Variants in ACMSD observed in about 807,000 individuals in gnomAD.
ACMSD encodes aminocarboxymuconate semialdehyde decarboxylase.
ACMSD carries 37 observed loss-of-function variants against 45.9 expected under a neutral mutation model. The ratio of observed to expected loss-of-function variants is 0.81; its 90% CI spans 0.62 to 1.06. ACMSD has a LOEUF of 1.06. Ranked by LOEUF, ACMSD falls within the 50% of genes least tolerant of loss-of-function variation. The probability of loss-of-function intolerance (pLI) is 0.00; values close to 1 mark genes in which losing one functional copy is unlikely to be tolerated. For missense variants in ACMSD, 434 were observed against 420.9 expected, an observed-to-expected ratio of 1.03 and a Z score of -0.27; for synonymous variants, 138 against 148.8, an observed-to-expected ratio of 0.93 and a Z score of 0.53.
At chr2:134,870,923 G>T in intron 6 of ACMSD, 42 bp from the exon 7 acceptor site, 2 of 1,535,910 alleles carry the variant, frequency 1.3e-6, no homozygotes, top group Non-Finnish European at 1.8e-6. Context: ...TCTTCTTGGT[G>T]GGGTGATCAT....
intron 1 of ACMSD, among the ~76,000 whole-genome samples, chr2:134,841,106 T>A (rs997040493): frequency 1.2e-4 from 19 of 152,216 alleles, no homozygotes; most frequent in African/African-American, 4.3e-4. Context: ...ACCATCTACA[T>A]CATTTCCATC....
chr2:134,861,096 G>C (rs1303642557), intron 3 of ACMSD, among the ~76,000 whole-genome samples: 1 of 152,094 alleles, frequency 6.6e-6, no homozygotes, highest in African/African-American at 2.4e-5. Flanking sequence ...AAAACCTGCA[G>C]CACCTCTGTA....
At chr2:134,856,183 A>G (rs1420387956) in intron 2 of ACMSD, among the ~76,000 whole-genome samples, 9 of 152,240 alleles carry the variant, frequency 5.9e-5, no homozygotes. Flanking sequence ...TTAATTTTTT[A>G]AGGTAAGTCA....
intron 1 of ACMSD, among the ~76,000 whole-genome samples, chr2:134,839,500 T>C (rs1686685630): frequency 6.6e-6 from 1 of 152,246 alleles, no homozygotes. Flanking sequence ...TATCAGGTTT[T>C]ACCCAATCTT....
chr2:134,879,948 A>G (rs1265626627), intron 8 of ACMSD, among the ~76,000 whole-genome samples: 1 of 152,148 alleles, frequency 6.6e-6, no homozygotes, highest in African/African-American at 2.4e-5. Flanking sequence ...GCTGAATCTC[A>G]TGATTTTCCC....
intron 8 of ACMSD, among the ~76,000 whole-genome samples, chr2:134,880,536 A>T (rs1688981718): frequency 6.6e-6 from 1 of 152,058 alleles, no homozygotes; most frequent in Non-Finnish European, 1.5e-5. Flanking sequence ...TTATTTAAAA[A>T]GGCTTCTATT....
chr2:134,895,329 T>TAC (rs1690052842), intron 8 of ACMSD, among the ~76,000 whole-genome samples: 1 of 62,282 alleles, frequency 1.6e-5, no homozygotes, highest in Non-Finnish European at 3.0e-5. Context: ...ATATATATGT[T>TAC]ATATATATAA....
At chr2:134,894,939 G>T (rs1333837851) in intron 8 of ACMSD, among the ~76,000 whole-genome samples, 1 of 152,102 alleles carries the variant, frequency 6.6e-6, no homozygotes, top group East Asian at 1.9e-4. Flanking sequence ...TGTTAGCAAT[G>T]AATAATCCAT....
rs924277020 is a variant in ACMSD, at chr2:134,871,044, G to A, written c.660G>A (p.Val220=). ...TTGAGAAGTTTCCCAAACTGAAAGT[G>A]TGTTTCGCACATGGTGGTAAGACCC... The part of the protein sequence containing the change: ...GVFEKFPKLK[V]CFAHGGGAFP... Residue 220 remains valine (V), a synonymous_variant, in exon 7 of 10, where the codon GTG becomes GTA. Coordinates refer to ENST00000356140, the MANE Select transcript of ACMSD (RefSeq NM_138326.3). 2.5e-6 allele frequency: 4 copies of A among 1,614,124 alleles called. No homozygotes were observed. The highest frequency in any genetic ancestry group is 3.4e-6 in the Non-Finnish European group (4 of 1,179,994).
chr2:134,863,079 G>A (rs1489219651), intron 4 of ACMSD: 3 of 977,214 alleles, frequency 3.1e-6, no homozygotes, highest in Non-Finnish European at 3.6e-6. Flanking sequence ...AGATCTTTCT[G>A]CAGTTGGCAG....
chr2:134,892,691 G>A (rs1247942954), intron 8 of ACMSD, among the ~76,000 whole-genome samples: 3 of 152,132 alleles, frequency 2.0e-5, no homozygotes, highest in Non-Finnish European at 2.9e-5. Flanking sequence ...CAGGGGACAA[G>A]TAGGAGTGAA....
chr2:134,895,636 G>A (rs1690103764), intron 8 of ACMSD, among the ~76,000 whole-genome samples: 3 of 151,934 alleles, frequency 2.0e-5, no homozygotes, highest in Admixed American at 1.3e-4. Flanking sequence ...CAAGGTGGGT[G>A]GATCACCTGA....
chr2:134,872,859 T>C, intron 8 of ACMSD: 1 of 522,474 alleles, frequency 1.9e-6, no homozygotes, highest in Non-Finnish European at 3.4e-6. Flanking sequence ...AACTATTATA[T>C]ATGCCAGAGA....
chr2:134,880,069 T>C (rs1340418035), intron 8 of ACMSD, among the ~76,000 whole-genome samples: 1 of 152,226 alleles, frequency 6.6e-6, no homozygotes, highest in African/African-American at 2.4e-5. Context: ...AAAATGTCTG[T>C]ATTCATCCTT....
rs1439548321 is a variant in ACMSD, at chr2:134,872,799, AGG to A, written c.849+161_849+162del. On this transcript the variant is annotated intron_variant, in intron 8 of 9. Coordinates refer to ENST00000356140, the MANE Select transcript of ACMSD (RefSeq NM_138326.3). ...GGTTTGGGATTAGGTTTGCTCACACAGGGGATTCTCTCCAGGGTCTCCCTCCA... is the reference window on the plus strand; with the variant it reads ...GGTTTGGGATTAGGTTTGCTCACACAGGATTCTCTCCAGGGTCTCCCTCCA... 1.9e-5 allele frequency: 15 copies of A among 792,004 alleles called. No individual in the cohort carries two copies. The South Asian group carries it at 2.6e-4, about 14-fold the overall frequency. The allele number at this position is 792,004 out of a possible 1,614,324, so 49.1% of individuals were successfully genotyped here. A position where few individuals can be genotyped will look rare whatever the true frequency, so the allele number is the denominator to read the frequency against.
intron 2 of ACMSD, among the ~76,000 whole-genome samples, chr2:134,854,193 T>C (rs1294546829): frequency 6.6e-6 from 1 of 152,236 alleles, no homozygotes; most frequent in South Asian, 2.1e-4. Context: ...TGATAATACA[T>C]GGTAAAATCT....
At chr2:134,849,201 A>G (rs764038175) in intron 2 of ACMSD, among the ~76,000 whole-genome samples, 19 of 152,100 alleles carry the variant, frequency 1.2e-4, no homozygotes, top group Non-Finnish European at 5.9e-5. Context: ...ATATCAAGAA[A>G]TTTCATAAAC....
chr2:134,851,455 T>TA (rs1687341339), intron 2 of ACMSD, among the ~76,000 whole-genome samples: 1 of 146,306 alleles, frequency 6.8e-6, no homozygotes, highest in South Asian at 2.2e-4. Flanking sequence ...TTCCCTTTTC[T>TA]TTTTTTTTTT....
At chr2:134,842,619 GCCC>G (rs1686857055) in intron 1 of ACMSD, among the ~76,000 whole-genome samples, 1 of 151,908 alleles carries the variant, frequency 6.6e-6, no homozygotes. Context: ...GGCAATTAGT[GCCC>G]CCATCATCAC....
Sources: allele counts gnomAD v4.1 joint callset (sites outside exome capture counted in the v4.1 genomes callset), GRCh38; gene constraint gnomAD v4.1.1; transcripts MANE v1.5; gene names NCBI Gene and HGNC (gene_info 2026-07-23, HGNC 2026-07-21).